The following GRIK4 variants were observed in gnomAD, a reference collection of about 807,000 sequenced individuals.
GRIK4 encodes glutamate ionotropic receptor kainate type subunit 4, also known as glutamate receptor ionotropic, kainate 4.
A neutral mutation model predicts 104.9 loss-of-function variants in GRIK4; 40 were observed. The ratio of observed to expected loss-of-function variants is 0.38; its 90% CI spans 0.30 to 0.50. GRIK4 has a LOEUF of 0.50. Ranked by LOEUF, GRIK4 falls within the 20% of genes least tolerant of loss-of-function variation. The pLI is 0.93. For missense variants in GRIK4, 1,047 were observed against 1,308.1 expected (o/e 0.80, Z 3.08); for synonymous variants, 485 against 524.9 (o/e 0.92, Z 1.04).
At chr11:120,662,874 T>C (rs1371745614) in intron 3 of GRIK4, among the ~76,000 whole-genome samples, 2 of 152,080 alleles carry the variant, frequency 1.3e-5, no homozygotes, top group African/African-American at 4.8e-5. Context: ...ACAATATGGA[T>C]GTTTGGAAAG....
intron 11 of GRIK4, among the ~76,000 whole-genome samples, chr11:120,877,870 G>A (rs1184127202): frequency 6.6e-6 from 1 of 152,124 alleles, no homozygotes; most frequent in Non-Finnish European, 1.5e-5. Flanking sequence ...GAGTGCTCTG[G>A]GGAAAGAGCC....
At chr11:120,960,521 C>T (rs557710301) in intron 16 of GRIK4, among the ~76,000 whole-genome samples, 1 of 152,274 alleles carries the variant, frequency 6.6e-6, no homozygotes, top group African/African-American at 2.4e-5. Context: ...GGCTTCAGCA[C>T]GAGGAGGTGA....
chr11:120,660,941 G>C (rs990023291), intron 3 of GRIK4, among the ~76,000 whole-genome samples: 2 of 152,184 alleles, frequency 1.3e-5, no homozygotes, highest in Non-Finnish European at 2.9e-5. Context: ...TTGCCTTGTT[G>C]CTGTGGGACG....
intron 3 of GRIK4, among the ~76,000 whole-genome samples, chr11:120,689,196 A>G (rs1195537394): frequency 6.6e-6 from 1 of 152,104 alleles, no homozygotes; most frequent in Non-Finnish European, 1.5e-5. Flanking sequence ...TAACACGGAC[A>G]TAATTCTATG....
At chr11:120,854,385 T>C (rs1229093567) in intron 8 of GRIK4, among the ~76,000 whole-genome samples, 1 of 152,176 alleles carries the variant, frequency 6.6e-6, no homozygotes, top group Non-Finnish European at 1.5e-5. Context: ...AGGCTGCAAA[T>C]AGGGCCAGTT....
chr11:120,575,393 C>T (rs1025014627), intron 1 of GRIK4, among the ~76,000 whole-genome samples: 2 of 152,144 alleles, frequency 1.3e-5, no homozygotes, highest in African/African-American at 4.8e-5. Flanking sequence ...TGGAACTTGT[C>T]TGCGTCGTTT....
chr11:120,791,207 A>G (rs532134451), intron 3 of GRIK4, among the ~76,000 whole-genome samples: 12 of 152,234 alleles, frequency 7.9e-5, no homozygotes, highest in Admixed American at 5.9e-4. Flanking sequence ...GAGGAAGGGG[A>G]GCGAGGGAAG....
intron 1 of GRIK4, among the ~76,000 whole-genome samples, chr11:120,607,870 C>A (rs1366883029): frequency 2.0e-5 from 3 of 152,028 alleles, no homozygotes; most frequent in Non-Finnish European, 4.4e-5. Flanking sequence ...AACTGAGGAG[C>A]AACTGGAGAA....
At chr11:120,512,221 C>T (rs1307380174) in intron 1 of GRIK4, among the ~76,000 whole-genome samples, 2 of 151,948 alleles carry the variant, frequency 1.3e-5, no homozygotes, top group African/African-American at 4.8e-5. Flanking sequence ...GCTCGCGGTC[C>T]TCCCGCTCTG....
intron 15 of GRIK4, among the ~76,000 whole-genome samples, chr11:120,954,784 C>A (rs1435850012): frequency 2.5e-4 from 2 of 8,128 alleles, no homozygotes. Flanking sequence ...TCTCTCACTA[C>A]ACACACACAC....
At chr11:120,676,493 G>A (rs967942015) in intron 3 of GRIK4, among the ~76,000 whole-genome samples, 2 of 152,216 alleles carry the variant, frequency 1.3e-5, no homozygotes, top group Non-Finnish European at 2.9e-5. Flanking sequence ...GAGAGCTTTC[G>A]TACTGCATCA....
rs2135077864 is a variant in GRIK4, at chr11:120,573,731, T to TA, written c.-159+61845dup. On this transcript the variant is annotated intron_variant, in intron 1 of 20. Transcript: ENST00000527524. ...CAGCAGGTGCTGGTCCTGGCTTCTG[T>TA]AGACAGTGTGTGGATGGGCCTGACT... 2.0e-5 allele frequency among the ~76,000 whole-genome samples: 3 copies of TA among 152,184 alleles called. 1 individual carries two copies. The East Asian group carries it at 5.8e-4, about 29-fold the overall frequency.
intron 3 of GRIK4, among the ~76,000 whole-genome samples, chr11:120,798,565 C>T (rs1394482556): frequency 1.3e-5 from 2 of 152,142 alleles, no homozygotes; most frequent in African/African-American, 4.8e-5. Context: ...CTGCAACCTC[C>T]GCCTCCTGGG....
intron 13 of GRIK4, among the ~76,000 whole-genome samples, chr11:120,924,731 C>T (rs1212665123): frequency 6.6e-6 from 1 of 152,138 alleles, no homozygotes; most frequent in Non-Finnish European, 1.5e-5. Context: ...GTCTCAAGAA[C>T]GATCTGTGAA....
chr11:120,539,518 A>G (rs1948010688), intron 1 of GRIK4, among the ~76,000 whole-genome samples: 1 of 152,196 alleles, frequency 6.6e-6, no homozygotes, highest in Non-Finnish European at 1.5e-5. Context: ...TGCTCTTCCC[A>G]GGACACACAG....
intron 1 of GRIK4, among the ~76,000 whole-genome samples, chr11:120,515,895 G>A (rs1458092817): frequency 1.3e-5 from 2 of 152,078 alleles, no homozygotes; most frequent in African/African-American, 2.4e-5. Flanking sequence ...CGTTTGTTTC[G>A]CTCAGTCAGT....
At chr11:120,566,968 ATTTTTTT>A (rs572433053) in intron 1 of GRIK4, among the ~76,000 whole-genome samples, 27 of 99,726 alleles carry the variant, frequency 2.7e-4, no homozygotes, top group Admixed American at 9.1e-4. Flanking sequence ...CGGCCTCCTA[ATTTTTTT>A]TTTTTTTTTT....
intron 3 of GRIK4, among the ~76,000 whole-genome samples, chr11:120,716,285 C>T (rs1950832228): frequency 6.6e-6 from 1 of 152,048 alleles, no homozygotes; most frequent in Non-Finnish European, 1.5e-5. Flanking sequence ...ACTCTGTTGC[C>T]CAGGTTGAAG....
intron 16 of GRIK4, among the ~76,000 whole-genome samples, chr11:120,959,534 T>G (rs1944242078): frequency 6.6e-6 from 1 of 152,272 alleles, no homozygotes; most frequent in Non-Finnish European, 1.5e-5. Context: ...GAATTTGTGA[T>G]TCTCCATCCC....
Sources: gnomAD v4.1 joint callset for allele counts (sites outside exome capture counted in the v4.1 genomes callset) on GRCh38, gnomAD v4.1.1 for gene constraint, MANE v1.5 for transcripts, NCBI Gene and HGNC (gene_info 2026-07-23, HGNC 2026-07-21) for gene names.